The following ONECUT2 variants were observed in gnomAD, a reference collection of about 807,000 sequenced individuals.
The protein encoded by ONECUT2 is one cut domain family member 2.
A neutral mutation model predicts 27.9 loss-of-function variants in ONECUT2; 10 were observed. The ratio of observed to expected loss-of-function variants is 0.36; its 90% CI spans 0.22 to 0.61. The LOEUF is 0.61. Among genes scored for constraint, ONECUT2 ranks in the 20% least tolerant of loss-of-function variants. The probability of loss-of-function intolerance (pLI) is 0.73; values close to 1 mark genes in which losing one functional copy is unlikely to be tolerated. For missense variants in ONECUT2, 686 were observed against 721.0 expected, an observed-to-expected ratio of 0.95 and a Z score of 0.56; for synonymous variants, 334 against 315.1, an observed-to-expected ratio of 1.06 and a Z score of -0.64.
intron 1 of ONECUT2, among the ~76,000 whole-genome samples, chr18:57,456,949 C>T (rs112584854): frequency 2.0e-5 from 3 of 152,238 alleles, no homozygotes; most frequent in Non-Finnish European, 2.9e-5. Context: ...TCACTAAGTT[C>T]ACCATCAATA....
At position 57,484,930 on chromosome 18, in the gene ONECUT2, C is replaced by A. The variant is rs1208064405; in HGVS notation, c.*8207C>A. Reference sequence around the variant, plus strand: ...ACTGGGGTTTATCTCTTAACATTTTCAGCTGTAAAATTAGTCACAAGCATT... The same window carrying A: ...ACTGGGGTTTATCTCTTAACATTTTAAGCTGTAAAATTAGTCACAAGCATT... On this transcript the variant is annotated 3_prime_UTR_variant, in exon 2 of 2. Transcript: ENST00000491143. The A allele has an allele frequency of 6.6e-6, 1 of 152,152 alleles. No individual in the cohort carries two copies. Among genetic ancestry groups the A allele is most frequent in the Non-Finnish European group, 1.5e-5 (1 of 68,036 alleles). The allele number at this position is 152,152 out of a possible 1,614,324, so 9.4% of individuals were successfully genotyped here. A position where few individuals can be genotyped will look rare whatever the true frequency, so the allele number is the denominator to read the frequency against.
intron 1 of ONECUT2, among the ~76,000 whole-genome samples, chr18:57,453,275 C>G (rs746837040): frequency 6.6e-6 from 1 of 152,174 alleles, no homozygotes; most frequent in Non-Finnish European, 1.5e-5. Context: ...ATTTCCAAGA[C>G]CCAATTTTTA....
rs1219487880 is a variant in ONECUT2, at chr18:57,481,341, C to G, written c.*4618C>G. On this transcript the variant is annotated 3_prime_UTR_variant, in exon 2 of 2. Coordinates refer to ENST00000491143, the MANE Select transcript of ONECUT2 (RefSeq NM_004852.3). ...AGAGTTGCTTCTAAGCTCCCTTTTC[C>G]CCCTGCAGGCTCTTGGCAATTGTAG... is the stretch of plus-strand genomic sequence containing the variant. 6.6e-6 allele frequency: 1 copy of G among 152,124 alleles called. No individual in the cohort carries two copies. The highest frequency in any genetic ancestry group is 1.5e-5 in the Non-Finnish European group (1 of 68,014). The allele number at this position is 152,124 out of a possible 1,614,324, so 9.4% of individuals were successfully genotyped here.
intron 1 of ONECUT2, among the ~76,000 whole-genome samples, chr18:57,459,289 T>C (rs1282061628): frequency 6.6e-6 from 1 of 152,282 alleles, no homozygotes; most frequent in East Asian, 1.9e-4. Flanking sequence ...ACTATACTTA[T>C]ATCAGATAAA....
rs200384584 is a variant in ONECUT2, at chr18:57,477,317, T to TA, written c.*605dup. The TA allele has an allele frequency of 0.22, 32,807 of 149,432 alleles. 3,637 individuals are homozygous for TA. The highest frequency in any genetic ancestry group is 0.28 in the South Asian group (1,341 of 4,716). The allele number at this position is 149,432 out of a possible 1,614,324, so 9.3% of individuals were successfully genotyped here. A position where few individuals can be genotyped will look rare whatever the true frequency, so the allele number is the denominator to read the frequency against. ...GAGCACAAGTTTTAAATATGGACGT[T>TA]AAAAAAAAAAATCCAAGGACCTGTT... On this transcript the variant is annotated 3_prime_UTR_variant, in exon 2 of 2. Transcript: ENST00000491143.
In ONECUT2 at chr18:57,488,820, A is replaced by T. The variant is rs527842348; in HGVS notation, c.*12097A>T. 6.6e-6 allele frequency: 1 copy of T among 152,614 alleles called. No homozygotes were observed. Among genetic ancestry groups the T allele is most frequent in the South Asian group, 2.1e-4 (1 of 4,822 alleles). 9.5% of individuals were successfully genotyped at this position (152,614 alleles called of 1,614,324 possible). Reference sequence around the variant, plus strand: ...GGGAAAAGGCAGGTCATGGGCTGGAAGGTAGGTTTTGGTACTAGGAAGAAA... The same window carrying T: ...GGGAAAAGGCAGGTCATGGGCTGGATGGTAGGTTTTGGTACTAGGAAGAAA... On this transcript the variant is annotated 3_prime_UTR_variant, in exon 2 of 2. Transcript: ENST00000491143.
Position 57,490,051 on chromosome 18 carries a change from G to A in ONECUT2, c.*13328G>A, listed in dbSNP as rs2050457404. The A allele has an allele frequency of 6.6e-6, 1 of 152,172 alleles. No homozygotes were observed. Among genetic ancestry groups the A allele is most frequent in the South Asian group, 2.1e-4 (1 of 4,820 alleles). 9.4% of individuals were successfully genotyped at this position (152,172 alleles called of 1,614,324 possible). On this transcript the variant is annotated 3_prime_UTR_variant, in exon 2 of 2. Transcript: ENST00000491143. Reference sequence around the variant, plus strand: ...GGAAAAGATAATTAGGGATTGACCAGCATTTCAATTAGTTCTCTTCTTCAT... The same window carrying A: ...GGAAAAGATAATTAGGGATTGACCAACATTTCAATTAGTTCTCTTCTTCAT...
chr18:57,435,384 T>G lies in ONECUT2; in HGVS notation c.-333T>G, dbSNP rs1598926069. Among the ~76,000 whole-genome samples the G allele has an allele frequency of 6.6e-6, 1 of 151,724 alleles. No homozygotes were observed. Among genetic ancestry groups the G allele is most frequent in the Admixed American group, 6.5e-5 (1 of 15,268 alleles). ...GCCCCGGCGAGCGGCAGAGCCCTTCTGGACAGCTCCCGCTCACCCAAACAG... is the reference window on the plus strand; with the variant it reads ...GCCCCGGCGAGCGGCAGAGCCCTTCGGGACAGCTCCCGCTCACCCAAACAG... On this transcript the variant is annotated 5_prime_UTR_variant, in exon 1 of 2. Transcript: ENST00000491143.
intron 1 of ONECUT2, among the ~76,000 whole-genome samples, chr18:57,450,775 G>A (rs1005862218): frequency 9.9e-5 from 15 of 152,140 alleles, no homozygotes; most frequent in Non-Finnish European, 2.2e-4. Flanking sequence ...CATTACTTGA[G>A]ATACTGCAAG....
chr18:57,476,533 T>C lies in ONECUT2; in HGVS notation c.1325T>C (p.Phe442Ser). 6.2e-7 allele frequency: 1 copy of C among 1,614,180 alleles called. No homozygotes were observed. The highest frequency in any genetic ancestry group is 8.5e-7 in the Non-Finnish European group (1 of 1,180,034). ...VFTDLQRRTL[F>S]AIFKENKRPS... is the part of the protein sequence containing the mutation. The stretch of plus-strand genomic sequence containing the variant: ...ACTGACCTCCAACGCCGAACACTCT[T>C]CGCCATCTTCAAGGAGAACAAACGC... Residue 442 changes from phenylalanine to serine, a missense_variant, in exon 2 of 2, where the codon TTC becomes TCC. By Grantham distance (155) the Phe-to-Ser change is radical. Transcript: ENST00000491143.
rs2050143609 is a variant in ONECUT2, at chr18:57,436,533, G to T, written c.817G>T (p.Gly273Cys). The T allele has an allele frequency of 3.1e-6, 5 of 1,612,690 alleles. No individual in the cohort carries two copies. The East Asian group carries it at 1.1e-4, about 36-fold the overall frequency. Reference protein sequence around the residue: ...DAHHTAMLTRGEQHLSRGLGT... With the variant: ...DAHHTAMLTRCEQHLSRGLGT... ...GCACCACACTGCCATGCTGACCCGC[G>T]GTGAGCAACACCTGTCCCGCGGCCT... The change falls in exon 1 of 2, where the codon GGT becomes TGT. Residue 273 changes from glycine (G) to cysteine (C), a missense_variant. Gly to Cys is a radical substitution (Grantham distance 159, BLOSUM62 -3). Coordinates refer to ENST00000491143, the MANE Select transcript of ONECUT2 (RefSeq NM_004852.3). The surrounding 1 kb of genome is among the most constrained non-coding windows in gnomAD (Gnocchi z 5.9).
At chr18:57,467,365 TTTG>T (rs1158976024) in intron 1 of ONECUT2, 1,553 of 314,308 alleles carry the variant, frequency 4.9e-3, no homozygotes, top group South Asian at 6.6e-3. Flanking sequence ...TGTTTGTTTG[TTTG>T]TTTGTTTTTT....
rs1269944874 is a variant in ONECUT2 at position 57,480,362 on chromosome 18, G to A, written c.*3639G>A. On this transcript the variant is annotated 3_prime_UTR_variant, in exon 2 of 2. Coordinates refer to ENST00000491143, the MANE Select transcript of ONECUT2 (RefSeq NM_004852.3). Reference sequence around the variant, plus strand: ...ATTTCTAAAAGAGTCCTTGTGACATGTGTCCAGTGGAAATGGTTGCTCTTT... The same window carrying A: ...ATTTCTAAAAGAGTCCTTGTGACATATGTCCAGTGGAAATGGTTGCTCTTT... 2 of 152,200 alleles carry A rather than the reference G, an allele frequency of 1.3e-5. No homozygotes were observed. Among genetic ancestry groups the A allele is most frequent in the Non-Finnish European group, 2.9e-5 (2 of 68,030 alleles). The allele number at this position is 152,200 out of a possible 1,614,324, so 9.4% of individuals were successfully genotyped here. A position where few individuals can be genotyped will look rare whatever the true frequency, so the allele number is the denominator to read the frequency against.
At position 57,488,769 on chromosome 18, in the gene ONECUT2, C is replaced by T. The variant is rs980788242; in HGVS notation, c.*12046C>T. ...GCTTGGCCTGGTTTTCTCTCCTGCCCTCTTGGGGAAACATGGGCCTGGCCT... is the reference window on the plus strand; with the variant it reads ...GCTTGGCCTGGTTTTCTCTCCTGCCTTCTTGGGGAAACATGGGCCTGGCCT... On this transcript the variant is annotated 3_prime_UTR_variant, in exon 2 of 2. Transcript: ENST00000491143. 6.6e-6 allele frequency: 1 copy of T among 152,638 alleles called. No homozygotes were observed. Among genetic ancestry groups the T allele is most frequent in the Admixed American group, 6.5e-5 (1 of 15,280 alleles). The allele number at this position is 152,638 out of a possible 1,614,324, so 9.5% of individuals were successfully genotyped here.
At chr18:57,437,759 C>A (rs2050151160) in intron 1 of ONECUT2, among the ~76,000 whole-genome samples, 1 of 152,266 alleles carries the variant, frequency 6.6e-6, no homozygotes, top group Admixed American at 6.5e-5. Context: ...GCCGTCCTTG[C>A]CCCGGTCCCA....
chr18:57,444,555 C>T, intron 1 of ONECUT2: 1 of 411,056 alleles, frequency 2.4e-6, no homozygotes. Flanking sequence ...CTTGGAGTCC[C>T]CACCCCCCAG....
chr18:57,443,673 G>T lies in ONECUT2; in HGVS notation c.1228+6729G>T, dbSNP rs556300019. Among the ~76,000 whole-genome samples the T allele has an allele frequency of 3.8e-4, 58 of 152,308 alleles. 1 individual carries two copies. The highest frequency in any genetic ancestry group is 1.3e-3 in the African/African-American group (54 of 41,564). ...TGGGGAAAAGGTAGGGACGTGGATT[G>T]TGTGACCCAGCCCATCTAATGCCTG... On this transcript the variant is annotated intron_variant, in intron 1 of 1. Transcript: ENST00000491143.
At position 57,481,697 on chromosome 18, in the gene ONECUT2, G is replaced by A. The variant is rs572057839; in HGVS notation, c.*4974G>A. On this transcript the variant is annotated 3_prime_UTR_variant, in exon 2 of 2. Coordinates refer to ENST00000491143, the MANE Select transcript of ONECUT2 (RefSeq NM_004852.3). ...GACAGTATGCCTTTGTAGTGAACTCGGATTTTCAGGAGTTTGAATAGTTGG... is the reference window on the plus strand; with the variant it reads ...GACAGTATGCCTTTGTAGTGAACTCAGATTTTCAGGAGTTTGAATAGTTGG... The A allele has an allele frequency of 2.4e-4, 37 of 152,198 alleles. No homozygotes were observed. The highest frequency in any genetic ancestry group is 2.0e-3 in the Admixed American group (30 of 15,284). 9.4% of individuals were successfully genotyped at this position (152,198 alleles called of 1,614,324 possible).
At position 57,478,296 on chromosome 18, in the gene ONECUT2, C is replaced by T. The variant is rs866693546; in HGVS notation, c.*1573C>T. 26 of 152,492 alleles carry T rather than the reference C, an allele frequency of 1.7e-4. No individual in the cohort carries two copies. Among genetic ancestry groups the T allele is most frequent in the African/African-American group, 4.6e-4 (19 of 41,564 alleles). 9.4% of individuals were successfully genotyped at this position (152,492 alleles called of 1,614,324 possible). ...GTGCATATTTACCAGTGAATGGCCC[C>T]GGGTGGGGCCACGTGGGGGTGTTCA... On this transcript the variant is annotated 3_prime_UTR_variant, in exon 2 of 2. Transcript: ENST00000491143.
Sources: gnomAD v4.1 joint callset for allele counts (sites outside exome capture counted in the v4.1 genomes callset) on GRCh38, gnomAD v4.1.1 for gene constraint, Gnocchi (gnomAD v3.1) non-coding constraint, MANE v1.5 for transcripts, NCBI Gene and HGNC (gene_info 2026-07-23, HGNC 2026-07-21) for gene names.